The following CLCN1 variants were observed in gnomAD, a reference collection of about 807,000 sequenced individuals.
CLCN1 encodes chloride channel protein 1.
In CLCN1, 100 loss-of-function variants were observed where a neutral mutation model predicts 114.5. The ratio of observed to expected loss-of-function variants is 0.87; its 90% confidence interval spans 0.74 to 1.03. The LOEUF is 1.03. Among genes scored for constraint, CLCN1 ranks in the 50% least tolerant of loss-of-function variants. The pLI, the probability that CLCN1 is intolerant of heterozygous loss-of-function variation, is 0.00. For synonymous variants in CLCN1, 485 were observed against 487.1 expected (o/e 1.00, Z 0.06); for missense variants, 1,188 against 1,250.0 (o/e 0.95, Z 0.75).
intron 7 of CLCN1, among the ~76,000 whole-genome samples, chr7:143,328,643 C>T (rs929483141): frequency 6.6e-6 from 1 of 152,140 alleles, no homozygotes; most frequent in Non-Finnish European, 1.5e-5. Context: ...AAGCTGACTG[C>T]TTTTGTTACT....
Position 143,321,317 on chromosome 7 carries a change from C to T in CLCN1, c.434-48C>T, listed in dbSNP as rs374559714. 2.8e-4 allele frequency: 455 copies of T among 1,610,246 alleles called. 8 individuals carry two copies. The South Asian group carries it at 3.7e-3, about 13-fold the overall frequency. The stretch of plus-strand genomic sequence containing the variant: ...GGTACACGTCCTGGTGCCGTGGACA[C>T]GGCTGCTCAGCCATGTTCTGCCTAA... On this transcript the variant is annotated intron_variant, in intron 3 of 22. Coordinates refer to ENST00000343257, the MANE Select transcript of CLCN1 (RefSeq NM_000083.3). The surrounding 1 kb of genome is among the most constrained non-coding windows in gnomAD (Gnocchi z 4.2).
Position 143,331,663 on chromosome 7 carries a change from GCC to G in CLCN1, c.1166+13_1166+14del. The G allele has an allele frequency of 6.3e-7, 1 of 1,586,364 alleles. No individual in the cohort carries two copies. Among genetic ancestry groups the G allele is most frequent in the Non-Finnish European group, 8.7e-7 (1 of 1,154,846 alleles). ...GTTTCTTGCTAAGCAGTGAGTCACT[GCC>G]CTTCTTTTGCCCTACCCATTTACTT... On this transcript the variant is annotated intron_variant, in intron 10 of 22. Coordinates refer to ENST00000343257, the MANE Select transcript of CLCN1 (RefSeq NM_000083.3).
intron 14 of CLCN1, among the ~76,000 whole-genome samples, chr7:143,340,546 CTTCTT>C (rs987055984): frequency 1.3e-5 from 2 of 151,826 alleles, no homozygotes; most frequent in Admixed American, 6.6e-5. Context: ...CTTCTCTTCT[CTTCTT>C]TTATTTCCAG....
chr7:143,343,144 C>G (rs1803134367), intron 16 of CLCN1, among the ~76,000 whole-genome samples: 2 of 152,186 alleles, frequency 1.3e-5, no homozygotes, highest in African/African-American at 4.8e-5. Flanking sequence ...CCTTATTTCA[C>G]AGATATTGTG....
At position 143,321,237 on chromosome 7, in the gene CLCN1, A is replaced by G; in HGVS notation, c.434-128A>G. ...TCAGGCTTCCCATGTGTCAAATGAG[A>G]GCAGCACCATCTCAGAAGGGGCACA... On this transcript the variant is annotated intron_variant, in intron 3 of 22. Transcript: ENST00000343257. This position sits in a 1 kb window ranked among gnomAD's most constrained non-coding sequence, Gnocchi z 4.2. 9.0e-7 allele frequency: 1 copy of G among 1,112,454 alleles called. No individual in the cohort carries two copies. Among genetic ancestry groups the G allele is most frequent in the African/African-American group, 1.5e-5 (1 of 64,886 alleles). 68.9% of individuals were successfully genotyped at this position (1,112,454 alleles called of 1,614,324 possible).
chr7:143,334,684 T>C (rs1025377149), intron 12 of CLCN1, among the ~76,000 whole-genome samples: 5 of 152,226 alleles, frequency 3.3e-5, no homozygotes, highest in African/African-American at 1.2e-4. Flanking sequence ...AGATTTCAAC[T>C]CTGTAACATA....
chr7:143,326,028 G>A (rs1001388713), intron 7 of CLCN1, among the ~76,000 whole-genome samples: 5 of 151,852 alleles, frequency 3.3e-5, no homozygotes, highest in Non-Finnish European at 5.9e-5. Context: ...TTGTTTGTTT[G>A]TTTGTTTAGA....
At chr7:143,340,491 C>T (rs542647563) in intron 14 of CLCN1, among the ~76,000 whole-genome samples, 37 of 152,086 alleles carry the variant, frequency 2.4e-4, no homozygotes, top group Middle Eastern at 3.4e-3. Context: ...TTGCTCTCTC[C>T]CTTTCTTTCT....
At chr7:143,329,406 G>A (rs983659661) in intron 7 of CLCN1, among the ~76,000 whole-genome samples, 9 of 152,200 alleles carry the variant, frequency 5.9e-5, no homozygotes, top group African/African-American at 2.2e-4. Flanking sequence ...GAGGATTGGG[G>A]ATGGCTTCCC....
chr7:143,330,724 G>A lies in CLCN1; in HGVS notation c.854-48G>A, dbSNP rs767348977. 2.5e-6 allele frequency: 4 copies of A among 1,612,688 alleles called. No homozygotes were observed. The South Asian group carries it at 4.4e-5, about 18-fold the overall frequency. ...TCCAAGCAGTGGGGAGTGTGGGGGA[G>A]CACTTTCACTGCTGGCTGCCCCCAA... On this transcript the variant is annotated intron_variant, in intron 7 of 22. Coordinates refer to ENST00000343257, the MANE Select transcript of CLCN1 (RefSeq NM_000083.3).
At chr7:143,335,533 G>A (rs548005319) in intron 12 of CLCN1, among the ~76,000 whole-genome samples, 38 of 152,116 alleles carry the variant, frequency 2.5e-4, no homozygotes, top group Admixed American at 5.9e-4. Context: ...AGCTAGGTAG[G>A]ATACATAGCT....
intron 12 of CLCN1, among the ~76,000 whole-genome samples, chr7:143,338,960 C>T (rs773734426): frequency 1.3e-5 from 2 of 152,152 alleles, no homozygotes; most frequent in South Asian, 2.1e-4. Context: ...ATAAGTACTC[C>T]GGGGCTCCAT....
intron 1 of CLCN1, among the ~76,000 whole-genome samples, chr7:143,318,974 C>G (rs1162235551): frequency 6.6e-6 from 1 of 152,166 alleles, no homozygotes; most frequent in Non-Finnish European, 1.5e-5. Context: ...TGACCCTGGC[C>G]CCAGAGGACA....
rs1160549284 is a variant in CLCN1 at position 143,324,676 on chromosome 7, TA to T, written c.853+185del. Among the ~76,000 whole-genome samples the T allele has an allele frequency of 6.6e-6, 1 of 152,210 alleles. No homozygotes were observed. The highest frequency in any genetic ancestry group is 1.5e-5 in the Non-Finnish European group (1 of 68,040). On this transcript the variant is annotated intron_variant, in intron 7 of 22. Transcript: ENST00000343257. The surrounding 1 kb of genome is among the most constrained non-coding windows in gnomAD (Gnocchi z 4.6). Reference sequence around the variant, plus strand: ...TTACTTTTATTCCTGGCCAAAGCCATATGAGACAGATATTACAGAGGAGGAA... The same window carrying T: ...TTACTTTTATTCCTGGCCAAAGCCATTGAGACAGATATTACAGAGGAGGAA...
intron 15 of CLCN1, 40 bp from the exon 16 acceptor site, chr7:143,342,332 A>G (rs777426103): frequency 6.2e-7 from 1 of 1,612,424 alleles, no homozygotes; most frequent in Admixed American, 1.7e-5. Flanking sequence ...AGGGATAGGT[A>G]TACGGTGGGG....
chr7:143,349,665 C>T (rs1287038452), intron 20 of CLCN1, among the ~76,000 whole-genome samples: 2 of 152,192 alleles, frequency 1.3e-5, no homozygotes, highest in Non-Finnish European at 1.5e-5. Context: ...AGCTAAGTGC[C>T]ATGAGGTCCA....
Position 143,351,698 on chromosome 7 carries a change from T to A in CLCN1, c.2700T>A (p.Pro900=), listed in dbSNP as rs776375903. ...CAACTCGAAAGAGTACCGGGGCACCTCCATCTTCTGCAGAGAACTGGAACC... is the reference window on the plus strand; with the variant it reads ...CAACTCGAAAGAGTACCGGGGCACCACCATCTTCTGCAGAGAACTGGAACC... ...TTSTRKSTGA[P]PSSAENWNLP... is the part of the protein sequence containing the mutation. The change falls in exon 23 of 23, where the codon CCT becomes CCA. Residue 900 remains proline (P), a synonymous_variant. Transcript: ENST00000343257. 1.9e-6 allele frequency: 3 copies of A among 1,614,162 alleles called. No homozygotes were observed. Among genetic ancestry groups the A allele is most frequent in the East Asian group, 4.5e-5 (2 of 44,868 alleles).
chr7:143,317,507 C>G (rs955261013), intron 1 of CLCN1, among the ~76,000 whole-genome samples: 1 of 152,036 alleles, frequency 6.6e-6, no homozygotes, highest in African/African-American at 2.4e-5. Flanking sequence ...CTTGGCCTCC[C>G]AAAGTGCTGG....
chr7:143,318,601 C>T (rs1204525117), intron 1 of CLCN1, among the ~76,000 whole-genome samples: 2 of 152,204 alleles, frequency 1.3e-5, no homozygotes, highest in African/African-American at 4.8e-5. Context: ...CCCTTGCCCT[C>T]CCCTCACCCT....
Sources: gnomAD v4.1 joint callset for allele counts (sites outside exome capture counted in the v4.1 genomes callset) on GRCh38, gnomAD v4.1.1 for gene constraint, Gnocchi (gnomAD v3.1) non-coding constraint, MANE v1.5 for transcripts, NCBI Gene and HGNC (gene_info 2026-07-23, HGNC 2026-07-21) for gene names.